Variants in DDX24 observed in about 807,000 individuals in gnomAD.
The protein encoded by DDX24 is ATP-dependent RNA helicase DDX24.
In DDX24, 24 loss-of-function variants were observed where a neutral mutation model predicts 68.9. The ratio of observed to expected loss-of-function variants is 0.35; its 90% CI spans 0.25 to 0.49. The LOEUF (loss-of-function observed/expected upper bound fraction) is 0.49, where lower values mean the gene tolerates loss of function less well. Ranked by LOEUF, DDX24 falls within the 20% of genes least tolerant of loss-of-function variation. DDX24 has a pLI of 0.99. For synonymous variants in DDX24, 395 were observed against 385.2 expected (o/e 1.03, Z -0.30); for missense variants, 989 against 1,039.0 (o/e 0.95, Z 0.66).
chr14:94,052,117 G>A (rs1885399282), intron 8 of DDX24, among the ~76,000 whole-genome samples: 1 of 152,268 alleles, frequency 6.6e-6, no homozygotes, highest in Non-Finnish European at 1.5e-5. Context: ...TGGCTTCCAT[G>A]CTGAGCAGAC....
intron 8 of DDX24, 38 bp from the exon 9 acceptor site, chr14:94,051,500 G>A (rs761795189): frequency 2.0e-6 from 3 of 1,496,500 alleles, no homozygotes; most frequent in Non-Finnish European, 2.7e-6. Context: ...ATTTACTATG[G>A]TTTGTAGAAA....
rs948527801 is a variant in DDX24, at chr14:94,081,173, C to T, written c.-60G>A. ...GTCGCGAGTGAAGAACCTCAGAAACCGCCGCTGTACCTCAGCTGCAGCAGC... is the reference window on the plus strand; with the variant it reads ...GTCGCGAGTGAAGAACCTCAGAAACTGCCGCTGTACCTCAGCTGCAGCAGC... On this transcript the variant is annotated 5_prime_UTR_variant, in exon 1 of 9. Transcript: ENST00000621632. 2.6e-5 allele frequency: 4 copies of T among 152,324 alleles called. No individual in the cohort carries two copies. Among genetic ancestry groups the T allele is most frequent in the Non-Finnish European group, 5.9e-5 (4 of 68,090 alleles). The allele number at this position is 152,324 out of a possible 1,614,324, so 9.4% of individuals were successfully genotyped here.
At chr14:94,068,155 AGGGGTG>A (rs1356172484) in intron 2 of DDX24, among the ~76,000 whole-genome samples, 1 of 152,210 alleles carries the variant, frequency 6.6e-6, no homozygotes, top group Non-Finnish European at 1.5e-5. Flanking sequence ...CTTAAAGTAA[AGGGGTG>A]GAAAAAGGCA....
chr14:94,079,036 G>C lies in DDX24; in HGVS notation c.707C>G (p.Ala236Gly), dbSNP rs768895351. ...AGAGTTGCCCTTACCTGTCTCAGCA[G>C]CCCCAAGGATGTCCAGTTTGTCACG... ...AIRDKLDILG[A>G]AETGSGKTLA... Residue 236 changes from alanine to glycine, a missense_variant, in exon 2 of 9, where the codon GCT becomes GGT. Physicochemically the swap from Ala to Gly is moderately conservative, Grantham distance 60. Around this residue, in one of 3 missense-constraint regions of DDX24, gnomAD observed 3 missense variants for 16.0 expected, o/e 0.19. Transcript: ENST00000621632. 6.8e-6 allele frequency: 11 copies of C among 1,613,350 alleles called. No homozygotes were observed. In the Admixed American group the frequency reaches 1.8e-4, roughly 27 times the overall value.
Position 94,079,098 on chromosome 14 carries a change from G to C in DDX24, c.645C>G (p.Pro215=), listed in dbSNP as rs1886002150. ...CCAAGGTCAGGGCTTGGATTGGTGT[G>C]GGTGCAGAGAAGCCTAGAAAGCTGA... ...RALSFLGFSA[P]TPIQALTLAP... is the part of the protein sequence containing the mutation. The change falls in exon 2 of 9, where the codon CCC becomes CCG. Residue 215 remains proline, a synonymous_variant. Coordinates refer to ENST00000621632, the MANE Select transcript of DDX24 (RefSeq NM_020414.4). The C allele has an allele frequency of 6.2e-7, 1 of 1,614,060 alleles. No homozygotes were observed.
chr14:94,066,592 C>T (rs1485841353), intron 2 of DDX24, among the ~76,000 whole-genome samples: 1 of 152,208 alleles, frequency 6.6e-6, no homozygotes, highest in Non-Finnish European at 1.5e-5. Flanking sequence ...AACACACCCT[C>T]AGCCATCTCC....
chr14:94,053,792 C>G (rs1885440720), intron 7 of DDX24, among the ~76,000 whole-genome samples: 1 of 151,414 alleles, frequency 6.6e-6, no homozygotes, highest in African/African-American at 2.4e-5. Flanking sequence ...CCAGTCTGGG[C>G]AACATGAGCA....
intron 2 of DDX24, among the ~76,000 whole-genome samples, chr14:94,078,523 A>C (rs1008449093): frequency 4.6e-5 from 7 of 152,158 alleles, no homozygotes; most frequent in African/African-American, 1.7e-4. Flanking sequence ...AATCCTTCCA[A>C]TGACAAGAAA....
chr14:94,064,725 T>C (rs140013716), intron 2 of DDX24, among the ~76,000 whole-genome samples: 2 of 152,360 alleles, frequency 1.3e-5, no homozygotes, highest in East Asian at 3.9e-4. Flanking sequence ...ACATCTTTTA[T>C]AATAAATTGT....
intron 7 of DDX24, chr14:94,053,438 T>A (rs191351588): frequency 1.2e-4 from 30 of 242,358 alleles, no homozygotes; most frequent in African/African-American, 5.2e-4. Context: ...TGAACTCCTG[T>A]GCTCAAGCAA....
intron 5 of DDX24, 25 bp from the exon 6 acceptor site, chr14:94,057,922 T>A (rs1225991116): frequency 6.2e-7 from 1 of 1,603,684 alleles, no homozygotes; most frequent in South Asian, 1.1e-5. Flanking sequence ...GAAAGCTTAT[T>A]AATAATAACT....
At chr14:94,070,417 T>G (rs923788631) in intron 2 of DDX24, among the ~76,000 whole-genome samples, 1 of 152,182 alleles carries the variant, frequency 6.6e-6, no homozygotes, top group Admixed American at 6.5e-5. Context: ...AAATCAATAT[T>G]GTGAAAATGA....
At chr14:94,074,030 G>A (rs1418204378) in intron 2 of DDX24, among the ~76,000 whole-genome samples, 7 of 144,710 alleles carry the variant, frequency 4.8e-5, no homozygotes, top group Admixed American at 1.4e-4. Flanking sequence ...GCAACAGACC[G>A]AGACTCCATC....
intron 2 of DDX24, among the ~76,000 whole-genome samples, chr14:94,062,897 G>A (rs1000714942): frequency 6.6e-6 from 1 of 152,140 alleles, no homozygotes; most frequent in African/African-American, 2.4e-5. Context: ...AGAGAGAAAG[G>A]GCAAGTTTTG....
chr14:94,054,934 G>A (rs73348197), intron 7 of DDX24, 62 bp downstream of exon 7: 22,015 of 1,553,022 alleles, frequency 0.014, 1,018 homozygotes, highest in African/African-American at 0.14. Context: ...CCCACAGCAA[G>A]GTGCTCTGCA....
intron 2 of DDX24, among the ~76,000 whole-genome samples, chr14:94,072,471 G>A (rs545703862): frequency 8.5e-5 from 13 of 152,322 alleles, no homozygotes; most frequent in Non-Finnish European, 1.8e-4. Flanking sequence ...AGAGGGGCAA[G>A]GGATGAAATA....
intron 2 of DDX24, among the ~76,000 whole-genome samples, chr14:94,075,576 T>C (rs1885921201): frequency 6.6e-6 from 1 of 152,212 alleles, no homozygotes; most frequent in African/African-American, 2.4e-5. Flanking sequence ...GAGAAATCTT[T>C]GTGATCTTGA....
chr14:94,063,381 T>C (rs936567029), intron 2 of DDX24, among the ~76,000 whole-genome samples: 5 of 152,132 alleles, frequency 3.3e-5, no homozygotes, highest in Non-Finnish European at 7.4e-5. Context: ...CAGAAGACAG[T>C]GTAGCAATAT....
In DDX24 at chr14:94,062,155, G is replaced by C; in HGVS notation, c.1185C>G (p.Pro395=). 1 of 1,614,100 alleles carries C rather than the reference G, an allele frequency of 6.2e-7. No homozygotes were observed. The highest frequency in any genetic ancestry group is 8.5e-7 in the Non-Finnish European group (1 of 1,180,000). Residue 395 remains proline, a synonymous_variant, in exon 3 of 9, where the codon CCC becomes CCG. Transcript: ENST00000621632. ...KRPLLGLVLT[P]TRELAVQVKQ... ...TGACCTGGACGGCCAGCTCTCGAGT[G>C]GGAGTCAGAACCAGTCCAAGCAGAG...
Sources: gnomAD v4.1 joint callset for allele counts (sites outside exome capture counted in the v4.1 genomes callset) on GRCh38, gnomAD v4.1.1 for gene constraint, gnomAD v4.1.1 regional missense constraint, MANE v1.5 for transcripts, NCBI Gene and HGNC (gene_info 2026-07-23, HGNC 2026-07-21) for gene names.